The following ADAMTSL3 variants were observed in gnomAD, a reference collection of about 807,000 sequenced individuals.
ADAMTSL3 encodes ADAMTS-like protein 3.
In ADAMTSL3, 128 loss-of-function variants were observed where a neutral mutation model predicts 201.7. The ratio of observed to expected loss-of-function variants is 0.63; its 90% confidence interval spans 0.55 to 0.73. The LOEUF is 0.73. Among genes scored for constraint, ADAMTSL3 ranks in the 30% least tolerant of loss-of-function variants. ADAMTSL3 has a pLI of 0.00. For missense variants in ADAMTSL3, 1,990 were observed against 2,119.6 expected, an observed-to-expected ratio of 0.94 and a Z score of 1.20; for synonymous variants, 738 against 748.4, an observed-to-expected ratio of 0.99 and a Z score of 0.23.
chr15:83,942,862 G>C (rs2066588726), intron 18 of ADAMTSL3, 41 bp from the exon 19 acceptor site: 2 of 1,606,216 alleles, frequency 1.2e-6, no homozygotes, highest in African/African-American at 2.7e-5. Context: ...CTAACATAGA[G>C]TGGGCCAAGC....
chr15:83,947,201 C>G (rs1209253492), intron 19 of ADAMTSL3, among the ~76,000 whole-genome samples: 1 of 152,210 alleles, frequency 6.6e-6, no homozygotes, highest in African/African-American at 2.4e-5. Context: ...GGGCAGCCAT[C>G]CATTTTGTGG....
At chr15:83,677,483 C>G (rs887612113) in intron 2 of ADAMTSL3, among the ~76,000 whole-genome samples, 7 of 151,490 alleles carry the variant, frequency 4.6e-5, no homozygotes, top group Admixed American at 3.3e-4. Context: ...TTTAGAATTC[C>G]TATGTCTTCT....
At chr15:84,004,912 G>A (rs1016448682) in intron 23 of ADAMTSL3, among the ~76,000 whole-genome samples, 2 of 152,160 alleles carry the variant, frequency 1.3e-5, no homozygotes, top group Non-Finnish European at 1.5e-5. Flanking sequence ...TGCAGTTCCC[G>A]GGCTGGAGGA....
Position 83,983,334 on chromosome 15 carries a change from C to A in ADAMTSL3, c.3706C>A (p.Pro1236Thr), listed in dbSNP as rs768172727. 3 of 1,502,594 alleles carry A rather than the reference C, an allele frequency of 2.0e-6. No individual in the cohort carries two copies. The highest frequency in any genetic ancestry group is 2.4e-5 in the Admixed American group (1 of 42,012). 93.1% of individuals were successfully genotyped at this position (1,502,594 alleles called of 1,614,324 possible). A position where few individuals can be genotyped will look rare whatever the true frequency, so the allele number is the denominator to read the frequency against. ...GACCAAGGATGGAACCTTGTTACAGCCCTCAGTAAAGTAAGTAAAATAAAA... is the reference window on the plus strand; with the variant it reads ...GACCAAGGATGGAACCTTGTTACAGACCTCAGTAAAGTAAGTAAAATAAAA... ...TWTKDGTLLQ[P>T]SVKIILDGTG... The change falls in exon 21 of 30, where the codon CCC becomes ACC. Residue 1236 changes from proline (P) to threonine (T), a missense_variant. Physicochemically the swap from Pro to Thr is conservative, Grantham distance 38. Transcript: ENST00000286744.
At chr15:83,690,208 C>G (rs1442490936) in intron 2 of ADAMTSL3, among the ~76,000 whole-genome samples, 2 of 151,978 alleles carry the variant, frequency 1.3e-5, no homozygotes, top group Non-Finnish European at 2.9e-5. Context: ...TATCACTTAC[C>G]CTCCCATCCA....
intron 3 of ADAMTSL3, among the ~76,000 whole-genome samples, chr15:83,715,125 A>G (rs1052076366): frequency 6.6e-6 from 1 of 152,012 alleles, no homozygotes; most frequent in Non-Finnish European, 1.5e-5. Context: ...CAAACAACAA[A>G]CCCTGTGGGG....
At chr15:83,709,355 G>T (rs771074819) in intron 3 of ADAMTSL3, among the ~76,000 whole-genome samples, 5 of 152,200 alleles carry the variant, frequency 3.3e-5, no homozygotes, top group Non-Finnish European at 7.3e-5. Flanking sequence ...GAAGTAGCTA[G>T]AATGTATTAG....
chr15:83,781,555 T>C (rs1031219915), intron 4 of ADAMTSL3, among the ~76,000 whole-genome samples: 10 of 152,096 alleles, frequency 6.6e-5, no homozygotes, highest in African/African-American at 2.4e-4. Context: ...AAAGATTACA[T>C]GAGGAAGACA....
rs768835794 is a variant in ADAMTSL3, at chr15:83,970,564, C to T, written c.2571C>T (p.Pro857=). The change falls in exon 20 of 30, where the codon CCC becomes CCT. Residue 857 remains proline (P), a synonymous_variant. Transcript: ENST00000286744. ...TGGCAGCCAAAGGTCGGCGCATCCC[C>T]CTCAGTGAGATGATGTGCAGGGATC... ...QRLAAKGRRI[P]LSEMMCRDLP... 6 of 1,614,198 alleles carry T rather than the reference C, an allele frequency of 3.7e-6. No homozygotes were observed. The highest frequency in any genetic ancestry group is 4.2e-6 in the Non-Finnish European group (5 of 1,180,024).
intron 3 of ADAMTSL3, among the ~76,000 whole-genome samples, chr15:83,735,107 T>A (rs910358221): frequency 4.6e-5 from 7 of 152,236 alleles, no homozygotes; most frequent in African/African-American, 1.7e-4. Flanking sequence ...TTAAATCAAC[T>A]ATTAAACAAA....
chr15:83,781,521 A>G (rs529306266), intron 4 of ADAMTSL3, among the ~76,000 whole-genome samples: 22 of 152,248 alleles, frequency 1.4e-4, no homozygotes, highest in African/African-American at 4.6e-4. Context: ...GGAAGACGAT[A>G]CCATTATGGA....
At chr15:83,887,898 C>G (rs1357861943) in intron 10 of ADAMTSL3, among the ~76,000 whole-genome samples, 1 of 152,280 alleles carries the variant, frequency 6.6e-6, no homozygotes, top group East Asian at 1.9e-4. Context: ...GCTCAAACAT[C>G]TATTTTTTTT....
intron 16 of ADAMTSL3, among the ~76,000 whole-genome samples, chr15:83,919,488 G>A (rs1042080320): frequency 2.6e-5 from 4 of 152,262 alleles, no homozygotes; most frequent in Non-Finnish European, 5.9e-5. Context: ...AGCCACTGGG[G>A]ACTTAAGGAA....
chr15:83,746,222 G>T (rs1236961295), intron 3 of ADAMTSL3, among the ~76,000 whole-genome samples: 1 of 151,686 alleles, frequency 6.6e-6, no homozygotes, highest in Non-Finnish European at 1.5e-5. Flanking sequence ...TGTGATGTTT[G>T]CCCAGAAGCA....
intron 4 of ADAMTSL3, among the ~76,000 whole-genome samples, chr15:83,789,783 C>T (rs1481180587): frequency 6.6e-6 from 1 of 152,164 alleles, no homozygotes; most frequent in Non-Finnish European, 1.5e-5. Context: ...GTTTTACCCT[C>T]TTTAGATAAT....
intron 4 of ADAMTSL3, among the ~76,000 whole-genome samples, chr15:83,800,823 T>C (rs1025231850): frequency 1.8e-4 from 27 of 152,210 alleles, no homozygotes; most frequent in African/African-American, 6.0e-4. Context: ...TGTTAGCAAC[T>C]TCCCTCAACT....
intron 4 of ADAMTSL3, among the ~76,000 whole-genome samples, chr15:83,794,921 C>T (rs1377485739): frequency 1.3e-5 from 2 of 152,058 alleles, no homozygotes; most frequent in South Asian, 2.1e-4. Context: ...GGCACAATCT[C>T]GGCTCACTGC....
chr15:83,976,739 A>G (rs2142144718), intron 20 of ADAMTSL3, among the ~76,000 whole-genome samples: 1 of 152,186 alleles, frequency 6.6e-6, no homozygotes, highest in East Asian at 1.9e-4. Context: ...TTCAGGCAGT[A>G]ATGGCAGTGA....
intron 3 of ADAMTSL3, among the ~76,000 whole-genome samples, chr15:83,759,806 G>A (rs1318529883): frequency 6.6e-6 from 1 of 151,990 alleles, no homozygotes; most frequent in African/African-American, 2.4e-5. Context: ...TCTAAATTTT[G>A]AAATATATTA....
Sources: gnomAD v4.1 joint callset for allele counts (sites outside exome capture counted in the v4.1 genomes callset) on GRCh38, gnomAD v4.1.1 for gene constraint, MANE v1.5 for transcripts, NCBI Gene and HGNC (gene_info 2026-07-23, HGNC 2026-07-21) for gene names.